IQGAP2: variants seen among roughly 807,000 people sequenced by gnomAD.
IQGAP2 encodes ras GTPase-activating-like protein IQGAP2.
In IQGAP2, 173 loss-of-function variants were observed where a neutral mutation model predicts 201.3. The ratio of observed to expected loss-of-function variants is 0.86; its 90% CI spans 0.76 to 0.98. IQGAP2 has a LOEUF of 0.98. IQGAP2 is among the 50% of genes least tolerant of loss of function. IQGAP2 has a pLI of 0.00. For missense variants in IQGAP2, 1,687 were observed against 1,864.8 expected (o/e 0.90, Z 1.76); for synonymous variants, 675 against 673.9 (o/e 1.00, Z -0.03).
At chr5:76,589,194 C>T (rs185002778) in intron 6 of IQGAP2, among the ~76,000 whole-genome samples, 114 of 151,970 alleles carry the variant, frequency 7.5e-4, no homozygotes, top group African/African-American at 2.5e-3. Context: ...CTCCTGTAGT[C>T]CCAGCTACTT....
chr5:76,557,653 AAAC>A lies in IQGAP2; in HGVS notation c.147-4741_147-4739del, dbSNP rs772739068. ...CATATGTTAAGTACTTGCTTTGTGT[AAAC>A]AGGTTGCCAGGCACAAAGGGATTAT... is the stretch of plus-strand genomic sequence containing the variant. On this transcript the variant is annotated intron_variant, in intron 2 of 35. Coordinates refer to ENST00000274364, the MANE Select transcript of IQGAP2 (RefSeq NM_006633.5). Among the ~76,000 whole-genome samples, 55 of 152,322 alleles carry A rather than the reference AAAC, an allele frequency of 3.6e-4. 1 individual carries two copies. The highest frequency in any genetic ancestry group is 7.8e-4 in the Admixed American group (12 of 15,306).
Position 76,600,980 on chromosome 5 carries a change from A to C in IQGAP2, c.1232+8A>C. On this transcript the variant is annotated splice_region_variant and intron_variant, in intron 11 of 35. Coordinates refer to ENST00000274364, the MANE Select transcript of IQGAP2 (RefSeq NM_006633.5). ...CAAGGCATATGTGGAACGGTAAGGA[A>C]CATTTTCCAAACCTTCTTTCAATGC... The C allele has an allele frequency of 1.2e-6, 2 of 1,608,802 alleles. No homozygotes were observed. Among genetic ancestry groups the C allele is most frequent in the Non-Finnish European group, 1.7e-6 (2 of 1,175,910 alleles).
At chr5:76,442,260 A>G (rs1197224158) in intron 1 of IQGAP2, among the ~76,000 whole-genome samples, 2 of 152,194 alleles carry the variant, frequency 1.3e-5, no homozygotes, top group Non-Finnish European at 2.9e-5. Flanking sequence ...TTTTCTTCCT[A>G]TCTTTCCAAT....
chr5:76,437,839 A>G (rs1389257823), intron 1 of IQGAP2, among the ~76,000 whole-genome samples: 1 of 152,172 alleles, frequency 6.6e-6, no homozygotes, highest in Non-Finnish European at 1.5e-5. Context: ...ATGAACATAC[A>G]CATGCATACA....
intron 21 of IQGAP2, among the ~76,000 whole-genome samples, chr5:76,664,413 G>A (rs1396805348): frequency 2.6e-5 from 4 of 152,190 alleles, no homozygotes; most frequent in Admixed American, 6.5e-5. Flanking sequence ...GGCTGGGCAC[G>A]GTGGCTTACG....
At chr5:76,612,299 A>G (rs2150344129) in intron 13 of IQGAP2, among the ~76,000 whole-genome samples, 1 of 152,278 alleles carries the variant, frequency 6.6e-6, no homozygotes, top group African/African-American at 2.4e-5. Context: ...CCTGGCAAAC[A>G]TGGTGAAACC....
chr5:76,635,405 T>G lies in IQGAP2; in HGVS notation c.1781-1629T>G, dbSNP rs191754687. On this transcript the variant is annotated intron_variant, in intron 15 of 35. Transcript: ENST00000274364. ...ATTGTCTTTTAACCAACTAACAAAT[T>G]TTTTACTTCTCAGTTCAAGTGACGG... 2.0e-3 allele frequency among the ~76,000 whole-genome samples: 298 copies of G among 152,318 alleles called. 2 individuals carry two copies. The highest frequency in any genetic ancestry group is 7.0e-3 in the African/African-American group (290 of 41,576).
At chr5:76,546,428 C>G (rs1170617410) in intron 2 of IQGAP2, among the ~76,000 whole-genome samples, 3 of 151,902 alleles carry the variant, frequency 2.0e-5, no homozygotes, top group African/African-American at 7.3e-5. Flanking sequence ...GAGTGGGACT[C>G]CATTTCAAAA....
intron 1 of IQGAP2, among the ~76,000 whole-genome samples, chr5:76,460,117 T>G (rs62363257): frequency 0.39 from 58,979 of 151,980 alleles, 12,360 homozygotes; most frequent in Middle Eastern, 0.48. Flanking sequence ...TCCCCTAGTT[T>G]GGAGAGACAG....
At chr5:76,688,600 G>A (rs1412753645) in intron 30 of IQGAP2, among the ~76,000 whole-genome samples, 1 of 152,132 alleles carries the variant, frequency 6.6e-6, no homozygotes, top group African/African-American at 2.4e-5. Flanking sequence ...GCTCTTTGGA[G>A]CGTTTTGAAT....
At chr5:76,459,773 G>A (rs1754322926) in intron 1 of IQGAP2, among the ~76,000 whole-genome samples, 1 of 151,860 alleles carries the variant, frequency 6.6e-6, no homozygotes, top group Non-Finnish European at 1.5e-5. Flanking sequence ...TGAGTAGCTG[G>A]GATTACAGCT....
chr5:76,691,352 TC>T (rs1746249666), intron 30 of IQGAP2: 1 of 152,264 alleles, frequency 6.6e-6, no homozygotes, highest in Non-Finnish European at 1.5e-5. Flanking sequence ...GCACAGCTTC[TC>T]TAAAGAACTA....
At chr5:76,476,202 C>G (rs1755414842) in intron 2 of IQGAP2, among the ~76,000 whole-genome samples, 1 of 152,022 alleles carries the variant, frequency 6.6e-6, no homozygotes, top group South Asian at 2.1e-4. Flanking sequence ...AGGTCATCCA[C>G]CTTCTTGAAG....
At chr5:76,597,627 T>A in intron 10 of IQGAP2, 25 bp downstream of exon 10, 1 of 1,612,656 alleles carries the variant, frequency 6.2e-7, no homozygotes, top group South Asian at 1.1e-5. Flanking sequence ...ACCCCAGCTG[T>A]GGGGACGGTA....
chr5:76,490,628 G>A (rs187032238), intron 2 of IQGAP2, among the ~76,000 whole-genome samples: 10 of 152,256 alleles, frequency 6.6e-5, no homozygotes, highest in Admixed American at 5.9e-4. Context: ...CCAAAATGTA[G>A]CTCAAAACAT....
chr5:76,668,748 A>AAT lies in IQGAP2; in HGVS notation c.2747_2748insAT (p.Asp916GlufsTer33). 1.2e-6 allele frequency: 2 copies of AAT among 1,611,060 alleles called. No individual in the cohort carries two copies. Among genetic ancestry groups the AAT allele is most frequent in the Non-Finnish European group, 1.7e-6 (2 of 1,178,050 alleles). On this transcript the variant is annotated frameshift_variant, in exon 23 of 36. Transcript: ENST00000274364. LOFTEE classifies it high-confidence loss of function. ...CAGAACAAGTCCACTAAATTTATGG[A>AAT]TACTGTTATTTTCACACTATATAAT...
intron 2 of IQGAP2, among the ~76,000 whole-genome samples, chr5:76,497,292 C>T (rs1757045319): frequency 6.6e-6 from 1 of 152,194 alleles, no homozygotes; most frequent in Admixed American, 6.5e-5. Flanking sequence ...GGACACAGCC[C>T]TCTTCTTTGA....
At chr5:76,441,933 C>T (rs1023147437) in intron 1 of IQGAP2, among the ~76,000 whole-genome samples, 2 of 152,054 alleles carry the variant, frequency 1.3e-5, no homozygotes, top group African/African-American at 4.8e-5. Context: ...CGTATTAATG[C>T]CTGGAAGCAG....
intron 30 of IQGAP2, among the ~76,000 whole-genome samples, chr5:76,689,230 T>TTAAAAAAAA (rs566505116): frequency 0.027 from 2,334 of 86,402 alleles, 47 homozygotes; most frequent in Admixed American, 0.042. Context: ...CAGGGATATT[T>TTAAAAAAAA]AAAAAAAAAA....
Sources: gnomAD v4.1 joint callset for allele counts (sites outside exome capture counted in the v4.1 genomes callset) on GRCh38, gnomAD v4.1.1 for gene constraint, MANE v1.5 for transcripts, NCBI Gene and HGNC (gene_info 2026-07-23, HGNC 2026-07-21) for gene names.